CEP43: variants seen among roughly 807,000 people sequenced by gnomAD.
CEP43 encodes FGFR1 oncogene partner.
In CEP43, 36 loss-of-function variants were observed where a neutral mutation model predicts 52.6. That is an observed-to-expected ratio of 0.68 (90% CI 0.52 to 0.90). CEP43 has a LOEUF of 0.90. CEP43 is among the 40% of genes least tolerant of loss of function. CEP43 has a pLI of 0.00. For synonymous variants in CEP43, 192 were observed against 172.4 expected (o/e 1.11, Z -0.89); for missense variants, 506 against 472.8 (o/e 1.07, Z -0.65).
At position 167,026,581 on chromosome 6, in the gene CEP43, A is replaced by G. The variant is rs372147195; in HGVS notation, c.954A>G (p.Lys318=). Residue 318 remains lysine (K), a synonymous_variant, in exon 10 of 13, where the codon AAA becomes AAG. Coordinates refer to ENST00000366847, the MANE Select transcript of CEP43 (RefSeq NM_007045.4). ...KRGNTVLKDL[K]LISDKIGSLG... is the part of the protein sequence containing the mutation. The stretch of plus-strand genomic sequence containing the variant: ...GAAATACAGTTTTGAAAGATCTGAA[A>G]TTGATCAGTGATAAAATTGGATCAC... 17 of 1,600,448 alleles carry G rather than the reference A, an allele frequency of 1.1e-5. No individual in the cohort carries two copies. Among genetic ancestry groups the G allele is most frequent in the Non-Finnish European group, 1.3e-5 (15 of 1,167,648 alleles).
At chr6:167,039,262 T>G (rs1465296485) in intron 12 of CEP43, among the ~76,000 whole-genome samples, 2 of 152,164 alleles carry the variant, frequency 1.3e-5, no homozygotes, top group Non-Finnish European at 2.9e-5. Flanking sequence ...CCCAAGTAGC[T>G]GGGACTACAG....
At chr6:167,025,901 G>T (rs1415251497) in intron 9 of CEP43, among the ~76,000 whole-genome samples, 1 of 152,138 alleles carries the variant, frequency 6.6e-6, no homozygotes, top group Non-Finnish European at 1.5e-5. Flanking sequence ...AATAGCAGTT[G>T]CACTGAAGAA....
At chr6:167,006,983 G>A (rs934898099) in intron 5 of CEP43, among the ~76,000 whole-genome samples, 9 of 152,042 alleles carry the variant, frequency 5.9e-5, no homozygotes, top group Non-Finnish European at 8.8e-5. Context: ...CTTACTCCCC[G>A]CAAATAACCC....
chr6:167,003,686 A>G, intron 3 of CEP43, 37 bp from the exon 4 acceptor site: 1 of 1,321,902 alleles, frequency 7.6e-7, no homozygotes, highest in Non-Finnish European at 1.1e-6. Context: ...TCAGTTTTTG[A>G]AGATTTGCTT....
At position 167,036,840 on chromosome 6, in the gene CEP43, C is replaced by G. The variant is rs988672035; in HGVS notation, c.1125+2869C>G. The stretch of plus-strand genomic sequence containing the variant: ...TTTTTGTTTTTGAGACAGAGTCTCA[C>G]TCTGTTGCCTAGGCTGGAGTGCAAT... On this transcript the variant is annotated intron_variant, in intron 12 of 12. Transcript: ENST00000366847. The G allele has an allele frequency of 2.9e-5, 25 of 866,930 alleles. No individual in the cohort carries two copies. The African/African-American group carries it at 4.4e-4, about 15-fold the overall frequency. 53.7% of individuals were successfully genotyped at this position (866,930 alleles called of 1,614,324 possible).
rs561144529 is a variant in CEP43, at chr6:167,050,287, T to A, written c.*10309T>A. On this transcript the variant is annotated 3_prime_UTR_variant, in exon 13 of 13. Coordinates refer to ENST00000366847, the MANE Select transcript of CEP43 (RefSeq NM_007045.4). ...TTGCCTTCTGCCATGAGTGTAAGTT[T>A]CATGAGGCCTCCCCAGCCATGCTGA... 1 of 152,328 alleles carries A rather than the reference T, an allele frequency of 6.6e-6. No individual in the cohort carries two copies. Among genetic ancestry groups the A allele is most frequent in the African/African-American group, 2.4e-5 (1 of 41,456 alleles). The allele number at this position is 152,328 out of a possible 1,614,324, so 9.4% of individuals were successfully genotyped here.
chr6:167,023,162 G>C (rs578082725), intron 8 of CEP43, among the ~76,000 whole-genome samples: 1 of 152,302 alleles, frequency 6.6e-6, no homozygotes, highest in South Asian at 2.1e-4. Context: ...AGGGAGGCGA[G>C]TTGGGGGTAG....
chr6:167,050,130 G>A lies in CEP43; in HGVS notation c.*10152G>A, dbSNP rs1056898126. ...CAGGTGGAGGTAATTGGATCATGAG[G>A]GTGGTTTTCCCTACTCTGTTTTCAT... is the stretch of plus-strand genomic sequence containing the variant. On this transcript the variant is annotated 3_prime_UTR_variant, in exon 13 of 13. Transcript: ENST00000366847. The A allele has an allele frequency of 6.6e-5, 10 of 152,144 alleles. No homozygotes were observed. The highest frequency in any genetic ancestry group is 1.3e-4 in the Non-Finnish European group (9 of 68,040). 9.4% of individuals were successfully genotyped at this position (152,144 alleles called of 1,614,324 possible).
chr6:167,002,845 A>G (rs995455368), intron 2 of CEP43, among the ~76,000 whole-genome samples: 2 of 152,268 alleles, frequency 1.3e-5, no homozygotes, highest in South Asian at 2.1e-4. Context: ...TAAGTATGCT[A>G]TAAATGGTAG....
At chr6:167,037,953 A>C (rs1276812994) in intron 12 of CEP43, among the ~76,000 whole-genome samples, 1 of 152,178 alleles carries the variant, frequency 6.6e-6, no homozygotes, top group Non-Finnish European at 1.5e-5. Context: ...CTGTTGCCAC[A>C]ACAATGAGTC....
chr6:167,009,382 C>T (rs1357412288), intron 5 of CEP43, among the ~76,000 whole-genome samples: 1 of 151,408 alleles, frequency 6.6e-6, no homozygotes, highest in Non-Finnish European at 1.5e-5. Flanking sequence ...TGGTGGTGTG[C>T]ACCTGTAGTC....
At position 167,041,913 on chromosome 6, in the gene CEP43, T is replaced by C; in HGVS notation, c.*1935T>C. 1 of 638,644 alleles carries C rather than the reference T, an allele frequency of 1.6e-6. No individual in the cohort carries two copies. The highest frequency in any genetic ancestry group is 2.0e-6 in the Non-Finnish European group (1 of 506,906). The allele number at this position is 638,644 out of a possible 1,614,324, so 39.6% of individuals were successfully genotyped here. A position where few individuals can be genotyped will look rare whatever the true frequency, so the allele number is the denominator to read the frequency against. On this transcript the variant is annotated 3_prime_UTR_variant, in exon 13 of 13. Transcript: ENST00000366847. Reference sequence around the variant, plus strand: ...ATCTCGGCTCACTGCAACCTCCGCCTCCTGGGTTCAAGCGATTCTCCTGCT... The same window carrying C: ...ATCTCGGCTCACTGCAACCTCCGCCCCCTGGGTTCAAGCGATTCTCCTGCT...
chr6:167,034,704 C>T (rs1010744267), intron 12 of CEP43, among the ~76,000 whole-genome samples: 1 of 152,228 alleles, frequency 6.6e-6, no homozygotes, highest in Non-Finnish European at 1.5e-5. Context: ...TGCAACCACA[C>T]AATCTAAGTC....
Position 167,040,202 on chromosome 6 carries a change from A to C in CEP43, c.*224A>C, listed in dbSNP as rs1393486907. ...TTTAATATTCTTAATTTAACTGTAC[A>C]TTTCTTTATGGAAATTGATTATCTA... is the stretch of plus-strand genomic sequence containing the variant. On this transcript the variant is annotated 3_prime_UTR_variant, in exon 13 of 13. Coordinates refer to ENST00000366847, the MANE Select transcript of CEP43 (RefSeq NM_007045.4). The C allele has an allele frequency of 6.5e-7, 1 of 1,527,496 alleles. No individual in the cohort carries two copies. 94.6% of individuals were successfully genotyped at this position (1,527,496 alleles called of 1,614,324 possible). A position where few individuals can be genotyped will look rare whatever the true frequency, so the allele number is the denominator to read the frequency against.
At chr6:167,027,275 A>AT (rs1259663977) in intron 10 of CEP43, among the ~76,000 whole-genome samples, 1 of 152,222 alleles carries the variant, frequency 6.6e-6, no homozygotes, top group African/African-American at 2.4e-5. Context: ...GCCCTGGGCC[A>AT]TATGTTGAGA....
At chr6:167,006,749 GT>G (rs1374578845) in intron 5 of CEP43, among the ~76,000 whole-genome samples, 1 of 152,170 alleles carries the variant, frequency 6.6e-6, no homozygotes, top group Non-Finnish European at 1.5e-5. Flanking sequence ...GACTGTGTTA[GT>G]ATTACTGTTT....
chr6:167,037,755 A>G (rs1018836320), intron 12 of CEP43, among the ~76,000 whole-genome samples: 11 of 152,252 alleles, frequency 7.2e-5, no homozygotes, highest in African/African-American at 1.4e-4. Flanking sequence ...CATCTCTACA[A>G]GATGTTCCTA....
rs1583295518 is a variant in CEP43, at chr6:167,040,031, A to T, written c.*53A>T. The T allele has an allele frequency of 1.1e-5, 16 of 1,422,382 alleles. No homozygotes were observed. Among genetic ancestry groups the T allele is most frequent in the Admixed American group, 1.9e-5 (1 of 52,980 alleles). The allele number at this position is 1,422,382 out of a possible 1,614,324, so 88.1% of individuals were successfully genotyped here. On this transcript the variant is annotated 3_prime_UTR_variant, in exon 13 of 13. Coordinates refer to ENST00000366847, the MANE Select transcript of CEP43 (RefSeq NM_007045.4). ...CAAGGACAGAGGACTGACCGGTTCC[A>T]TTTTTTTTTTTTCCAGACAATCACT...
At chr6:167,018,142 T>C (rs1780143042) in intron 7 of CEP43, among the ~76,000 whole-genome samples, 1 of 152,176 alleles carries the variant, frequency 6.6e-6, no homozygotes, top group African/African-American at 2.4e-5. Context: ...TCTCCCTGTG[T>C]TTCTCTGTGT....
Sources: allele counts gnomAD v4.1 joint callset (sites outside exome capture counted in the v4.1 genomes callset), GRCh38; gene constraint gnomAD v4.1.1; transcripts MANE v1.5; gene names NCBI Gene and HGNC (gene_info 2026-07-23, HGNC 2026-07-21).